Variants in SORCS1 observed in about 807,000 individuals in gnomAD.
SORCS1 encodes the protein sortilin related VPS10 domain containing receptor 1.
Under a neutral mutation model 146.1 loss-of-function variants are expected in SORCS1, and 60 were observed. The ratio of observed to expected loss-of-function variants is 0.41; its 90% CI spans 0.33 to 0.51. The LOEUF (loss-of-function observed/expected upper bound fraction) is 0.51. Ranked by LOEUF, SORCS1 falls within the 20% of genes least tolerant of loss-of-function variation. SORCS1 has a pLI of 0.21. For synonymous variants in SORCS1, 637 were observed against 584.0 expected (o/e 1.09, Z -1.31); for missense variants, 1,352 against 1,487.6 (o/e 0.91, Z 1.50).
In SORCS1 at chr10:106,989,678, TTG is replaced by T. The variant is rs1491073559; in HGVS notation, c.559-33100_559-33099del. On this transcript the variant is annotated intron_variant, in intron 1 of 25. Coordinates refer to ENST00000263054, the MANE Select transcript of SORCS1 (RefSeq NM_052918.5). Reference sequence around the variant, plus strand: ...ATACTCATATTTTTTCTGTTTTTTTTTGTTTTTTTTTTTTTTTTTTTTTTCTG... The same window carrying T: ...ATACTCATATTTTTTCTGTTTTTTTTTTTTTTTTTTTTTTTTTTTTTTCTG... Among the ~76,000 whole-genome samples the T allele has an allele frequency of 2.6e-3, 219 of 82,786 alleles. 12 individuals are homozygous for T. The highest frequency in any genetic ancestry group is 0.015 in the Middle Eastern group (2 of 130). 54.3% of individuals were successfully genotyped at this position (82,786 alleles called of 152,430 possible).
At chr10:106,907,485 G>T (rs116561119) in intron 2 of SORCS1, among the ~76,000 whole-genome samples, 11 of 152,038 alleles carry the variant, frequency 7.2e-5, no homozygotes, top group Non-Finnish European at 1.5e-5. Context: ...TTATCTGAAG[G>T]TGCTAAGATT....
Position 107,125,455 on chromosome 10 carries a change from T to C in SORCS1, c.558+38514A>G, listed in dbSNP as rs57473296. Among the ~76,000 whole-genome samples, 7 of 152,358 alleles carry C rather than the reference T, an allele frequency of 4.6e-5. No individual in the cohort carries two copies. The East Asian group carries it at 1.3e-3, about 29-fold the overall frequency. ...ATGTGCTTGATCTGACCAGGAAGGC[T>C]ATCTTAGAAATGTCAGGAGCATGGA... On this transcript the variant is annotated intron_variant, in intron 1 of 25. Coordinates refer to ENST00000263054, the MANE Select transcript of SORCS1 (RefSeq NM_052918.5).
chr10:107,024,100 G>A (rs1184265524), intron 1 of SORCS1, among the ~76,000 whole-genome samples: 3 of 151,004 alleles, frequency 2.0e-5, no homozygotes, highest in East Asian at 3.9e-4. Context: ...CTTGAATCCC[G>A]GAGGTGGAGG....
chr10:106,831,155 T>C (rs1948526768), intron 2 of SORCS1, among the ~76,000 whole-genome samples: 1 of 152,104 alleles, frequency 6.6e-6, no homozygotes, highest in Admixed American at 6.5e-5. Flanking sequence ...ATCGTGCCAC[T>C]GCACTCCAGC....
chr10:107,162,326 C>T (rs1672496163), intron 1 of SORCS1, among the ~76,000 whole-genome samples: 5 of 152,130 alleles, frequency 3.3e-5, no homozygotes, highest in Admixed American at 3.3e-4. Context: ...TTCAAATCTC[C>T]CCTTAAAGCC....
chr10:107,037,503 CTT>C (rs1958954205), intron 1 of SORCS1, among the ~76,000 whole-genome samples: 1 of 152,190 alleles, frequency 6.6e-6, no homozygotes, highest in Non-Finnish European at 1.5e-5. Context: ...CTCAAAGAAA[CTT>C]GAATAAATAT....
intron 2 of SORCS1, among the ~76,000 whole-genome samples, chr10:106,923,383 A>C (rs2138441472): frequency 6.6e-6 from 1 of 152,314 alleles, no homozygotes; most frequent in Non-Finnish European, 1.5e-5. Flanking sequence ...TGGATGTACC[A>C]AAATCCATCC....
At chr10:106,866,295 T>C (rs1564751224) in intron 2 of SORCS1, among the ~76,000 whole-genome samples, 1 of 152,202 alleles carries the variant, frequency 6.6e-6, no homozygotes, top group East Asian at 1.9e-4. Flanking sequence ...AGGAGGTCAC[T>C]CCATCTCCCA....
chr10:106,691,397 A>C (rs1337199838), intron 9 of SORCS1, among the ~76,000 whole-genome samples: 1 of 152,204 alleles, frequency 6.6e-6, no homozygotes, highest in African/African-American at 2.4e-5. Flanking sequence ...AGTGTGCTGG[A>C]ATGCTACTTT....
At chr10:107,042,928 A>C (rs2134000745) in intron 1 of SORCS1, among the ~76,000 whole-genome samples, 1 of 152,294 alleles carries the variant, frequency 6.6e-6, no homozygotes, top group African/African-American at 2.4e-5. Context: ...ACACTGACAC[A>C]GCTCAAGAAG....
chr10:106,853,450 C>T (rs1353215428), intron 2 of SORCS1, among the ~76,000 whole-genome samples: 1 of 148,138 alleles, frequency 6.8e-6, no homozygotes, highest in Non-Finnish European at 1.5e-5. Context: ...TATCTATTTT[C>T]AGTCTTGTTG....
intron 1 of SORCS1, among the ~76,000 whole-genome samples, chr10:107,085,723 T>C (rs1963704782): frequency 6.6e-6 from 1 of 152,206 alleles, no homozygotes; most frequent in Admixed American, 6.5e-5. Flanking sequence ...ACATTGAAGA[T>C]GGATCTTTAA....
chr10:106,898,254 G>A (rs1951562778), intron 2 of SORCS1, among the ~76,000 whole-genome samples: 1 of 152,158 alleles, frequency 6.6e-6, no homozygotes, highest in South Asian at 2.1e-4. Context: ...AACCCATGCT[G>A]ATCAGATACT....
At chr10:106,661,055 A>C (rs1007755811) in intron 17 of SORCS1, among the ~76,000 whole-genome samples, 2 of 152,222 alleles carry the variant, frequency 1.3e-5, no homozygotes, top group African/African-American at 2.4e-5. Flanking sequence ...TAGTTAATTT[A>C]GCAACTTAAA....
chr10:106,660,884 G>C (rs770245051), intron 17 of SORCS1, among the ~76,000 whole-genome samples: 1 of 152,036 alleles, frequency 6.6e-6, no homozygotes, highest in African/African-American at 2.4e-5. Flanking sequence ...ATTTCTAAAC[G>C]TACTTTATAA....
At chr10:106,993,021 G>A (rs560784743) in intron 1 of SORCS1, among the ~76,000 whole-genome samples, 39 of 151,614 alleles carry the variant, frequency 2.6e-4, no homozygotes, top group Non-Finnish European at 4.7e-4. Flanking sequence ...TAGTAGAGAC[G>A]GGGTTTCACC....
rs556500437 is a variant in SORCS1 at position 106,731,166 on chromosome 10, G to A, written c.960-1052C>T. 5.3e-5 allele frequency among the ~76,000 whole-genome samples: 8 copies of A among 151,650 alleles called. No individual in the cohort carries two copies. In the South Asian group the frequency reaches 6.3e-4, roughly 12 times the overall value. On this transcript the variant is annotated intron_variant, in intron 5 of 25. Coordinates refer to ENST00000263054, the MANE Select transcript of SORCS1 (RefSeq NM_052918.5). ...CTACTAAAAATACAAAAAATTAGCC[G>A]GGCGTGGTGGTGGGGTGCCTGTAGC...
chr10:107,165,370 C>T (rs769909993), upstream of SORCS1, among the ~76,000 whole-genome samples: 3 of 151,658 alleles, frequency 2.0e-5, no homozygotes, highest in East Asian at 1.9e-4. This position sits in a 1 kb window ranked among gnomAD's most constrained non-coding sequence, Gnocchi z 4.0. Flanking sequence ...TTAGATTTCT[C>T]TCCTAACCTC....
chr10:106,649,682 C>G (rs972742763), intron 18 of SORCS1, among the ~76,000 whole-genome samples: 1 of 152,168 alleles, frequency 6.6e-6, no homozygotes, highest in Non-Finnish European at 1.5e-5. Context: ...CAGCCCTGAT[C>G]TTTTCAAAAA....
Sources: allele counts gnomAD v4.1 joint callset (sites outside exome capture counted in the v4.1 genomes callset), GRCh38; gene constraint gnomAD v4.1.1; non-coding constraint Gnocchi (gnomAD v3.1); transcripts MANE v1.5; gene names NCBI Gene and HGNC (gene_info 2026-07-23, HGNC 2026-07-21).